Variants in NDUFAF6 observed in about 807,000 individuals in gnomAD.
NDUFAF6 encodes the protein NADH:ubiquinone oxidoreductase complex assembly factor 6.
In NDUFAF6, 45 loss-of-function variants were observed where a neutral mutation model predicts 40.8. The observed-to-expected ratio is 1.10, with a 90% CI of 0.87 to 1.42. NDUFAF6 has a LOEUF of 1.42. Ranked by LOEUF, NDUFAF6 falls within the 40% of genes most tolerant of loss-of-function variation. The pLI, the probability that NDUFAF6 is intolerant of heterozygous loss-of-function variation, is 0.00. For synonymous variants in NDUFAF6, 185 were observed against 155.9 expected (o/e 1.19, Z -1.39); for missense variants, 435 against 418.5 (o/e 1.04, Z -0.34).
chr8:95,039,237 G>A (rs1346755476), intron 3 of NDUFAF6, among the ~76,000 whole-genome samples: 3 of 151,458 alleles, frequency 2.0e-5, no homozygotes, highest in Non-Finnish European at 2.9e-5. Flanking sequence ...GGTGGATCAC[G>A]AGGTCAAGAG....
intron 1 of NDUFAF6, among the ~76,000 whole-genome samples, chr8:94,944,467 A>G (rs1821817634): frequency 6.6e-6 from 1 of 152,206 alleles, no homozygotes. Context: ...AAGATACAGG[A>G]AAGGCTTCTC....
intron 4 of NDUFAF6, among the ~76,000 whole-genome samples, chr8:95,110,672 T>G (rs1169831857): frequency 6.6e-6 from 1 of 152,196 alleles, no homozygotes; most frequent in Non-Finnish European, 1.5e-5. Flanking sequence ...CCAGAGTTTG[T>G]GCTTTTAAAT....
chr8:95,025,127 A>G lies in NDUFAF6; in HGVS notation c.119A>G (p.Glu40Gly), dbSNP rs1350865070. 6.7e-7 allele frequency: 1 copy of G among 1,482,998 alleles called. No individual in the cohort carries two copies. Among genetic ancestry groups the G allele is most frequent in the Non-Finnish European group, 8.9e-7 (1 of 1,126,412 alleles). The allele number at this position is 1,482,998 out of a possible 1,614,324, so 91.9% of individuals were successfully genotyped here. ...YARMRRLPGP[E>G]VSGRSVAAAS... Reference sequence around the variant, plus strand: ...CGCATGCGGCGGCTGCCCGGGCCGGAGGTGTCTGGGCGGAGCGTGGCTGCG... The same window carrying G: ...CGCATGCGGCGGCTGCCCGGGCCGGGGGTGTCTGGGCGGAGCGTGGCTGCG... Residue 40 changes from glutamate to glycine, a missense_variant, in exon 1 of 9, where the codon GAG (glutamate) becomes GGG (glycine). Physicochemically the swap from Glu to Gly is moderately conservative, Grantham distance 98. Coordinates refer to ENST00000396124, the MANE Select transcript of NDUFAF6 (RefSeq NM_152416.4).
chr8:94,899,491 T>TCACA (rs1817876492), intron 1 of NDUFAF6, among the ~76,000 whole-genome samples: 1 of 152,138 alleles, frequency 6.6e-6, no homozygotes. Context: ...TCACATACTA[T>TCACA]TAACTCCTTC....
chr8:95,008,536 C>G (rs1396554524), intron 2 of NDUFAF6, among the ~76,000 whole-genome samples: 1 of 152,138 alleles, frequency 6.6e-6, no homozygotes, highest in Admixed American at 6.5e-5. Flanking sequence ...ATGGAGTTTT[C>G]ACTCTTGTTG....
intron 2 of NDUFAF6, among the ~76,000 whole-genome samples, chr8:95,011,596 C>T (rs150762879): frequency 2.6e-5 from 4 of 152,158 alleles, no homozygotes; most frequent in Non-Finnish European, 5.9e-5. Context: ...GGTGTACACT[C>T]TTTTGACCTT....
intron 5 of NDUFAF6, among the ~76,000 whole-genome samples, chr8:95,046,036 A>G (rs1830713617): frequency 6.6e-6 from 1 of 150,744 alleles, no homozygotes; most frequent in African/African-American, 2.4e-5. Flanking sequence ...AAACACATTT[A>G]TTTTATTTTA....
chr8:95,038,079 T>A (rs1240923999), intron 3 of NDUFAF6, among the ~76,000 whole-genome samples: 3 of 152,184 alleles, frequency 2.0e-5, no homozygotes, highest in African/African-American at 7.2e-5. Flanking sequence ...AGAGATGAGG[T>A]CTCACTGTGT....
At chr8:95,048,339 G>A (rs1831043643) in intron 6 of NDUFAF6, 118 bp from the exon 7 acceptor site, 1 of 752,244 alleles carries the variant, frequency 1.3e-6, no homozygotes, top group Admixed American at 2.0e-5. Context: ...ATACTGTTCT[G>A]TCACGTGTTC....
downstream of NDUFAF6, among the ~76,000 whole-genome samples, chr8:95,060,478 C>T (rs1470953646): frequency 1.3e-5 from 2 of 152,166 alleles, no homozygotes; most frequent in African/African-American, 4.8e-5. Flanking sequence ...TCTTTCTCTC[C>T]TTGTGGTTGA....
downstream of NDUFAF6, among the ~76,000 whole-genome samples, chr8:95,117,680 G>A (rs987962168): frequency 5.3e-5 from 8 of 152,294 alleles, 1 homozygote; most frequent in Non-Finnish European, 1.5e-5. Flanking sequence ...TAGTTAGACA[G>A]GCCGTATGAC....
At position 94,981,135 on chromosome 8, in the gene NDUFAF6, G is replaced by T. The variant is rs1439142416; in HGVS notation, c.-84+162G>T. ...TTGGGAGGTGGTGCCTTTAAGAGAT[G>T]ATTAGATGGTTAAGAGGGATGAATG... On this transcript the variant is annotated intron_variant, in intron 2 of 9. Coordinates refer to the NDUFAF6 transcript ENST00000396111. Among the ~76,000 whole-genome samples, 3 of 152,374 alleles carry T rather than the reference G, an allele frequency of 2.0e-5. No individual in the cohort carries two copies. In the East Asian group the frequency reaches 5.8e-4, roughly 29 times the overall value.
intron 2 of NDUFAF6, among the ~76,000 whole-genome samples, chr8:95,094,751 CT>C (rs1468304699): frequency 0.042 from 826 of 19,444 alleles, 4 homozygotes; most frequent in Middle Eastern, 0.24. Flanking sequence ...TCTTCTTCTT[CT>C]TTTTTTTTTT....
intron 1 of NDUFAF6, among the ~76,000 whole-genome samples, chr8:95,027,605 G>GT (rs1372766639): frequency 4.0e-5 from 6 of 151,360 alleles, no homozygotes; most frequent in East Asian, 1.9e-4. Flanking sequence ...AAAAGATTCG[G>GT]TTTTTTCCTC....
rs758656360 is a variant in NDUFAF6, at chr8:94,939,855, C to T, written c.-935-5628C>T. The T allele has an allele frequency of 1.6e-5, 26 of 1,606,294 alleles. No individual in the cohort carries two copies. Among genetic ancestry groups the T allele is most frequent in the Admixed American group, 1.7e-5 (1 of 59,640 alleles). ...CCTACAGAGAGTTAAATACTTGTAA[C>T]GTACCTGGGACTACTTGGGCTATGT... On this transcript the variant is annotated intron_variant, in intron 1 of 14. Coordinates refer to the NDUFAF6 transcript ENST00000396113.
At chr8:94,931,514 T>C (rs532780681) in intron 1 of NDUFAF6, among the ~76,000 whole-genome samples, 21 of 152,278 alleles carry the variant, frequency 1.4e-4, no homozygotes, top group African/African-American at 4.8e-4. Flanking sequence ...GTATGATTTT[T>C]AAGAGTTATT....
intron 2 of NDUFAF6, among the ~76,000 whole-genome samples, chr8:95,019,203 G>A (rs962032667): frequency 6.6e-6 from 1 of 152,164 alleles, no homozygotes; most frequent in African/African-American, 2.4e-5. Context: ...TAGAGACAGG[G>A]TTTTGCCATG....
intron 1 of NDUFAF6, among the ~76,000 whole-genome samples, chr8:94,919,397 TTTTTTCTTTA>T (rs1486843605): frequency 6.6e-6 from 1 of 152,234 alleles, no homozygotes; most frequent in Non-Finnish European, 1.5e-5. Flanking sequence ...TTCTTGTTTA[TTTTTTCTTTA>T]TTTTTCTTTT....
At chr8:95,036,951 C>A (rs1446862361) in intron 3 of NDUFAF6, among the ~76,000 whole-genome samples, 1 of 152,182 alleles carries the variant, frequency 6.6e-6, no homozygotes, top group Non-Finnish European at 1.5e-5. Flanking sequence ...CTCTATCCTT[C>A]CCCATTCTGC....
Sources: gnomAD v4.1 joint callset for allele counts (sites outside exome capture counted in the v4.1 genomes callset) on GRCh38, gnomAD v4.1.1 for gene constraint, MANE v1.5 for transcripts, NCBI Gene and HGNC (gene_info 2026-07-23, HGNC 2026-07-21) for gene names.